Variants in ANKDD1B observed in about 807,000 individuals in gnomAD.
ANKDD1B encodes the protein ankyrin repeat and death domain-containing protein 1B.
ANKDD1B carries 57 observed loss-of-function variants against 59.7 expected under a neutral mutation model. The ratio of observed to expected loss-of-function variants is 0.95; its 90% CI spans 0.77 to 1.19. ANKDD1B has a LOEUF of 1.19. Ranked by LOEUF, ANKDD1B falls within the 50% of genes most tolerant of loss-of-function variation. The pLI, the probability that ANKDD1B is intolerant of heterozygous loss-of-function variation, is 0.00. For synonymous variants in ANKDD1B, 216 were observed against 239.5 expected (o/e 0.90, Z 0.91); for missense variants, 602 against 641.9 (o/e 0.94, Z 0.67).
At chr5:75,637,278 GAAA>G (rs1774344012) in intron 7 of ANKDD1B, among the ~76,000 whole-genome samples, 30 of 108,286 alleles carry the variant, frequency 2.8e-4, no homozygotes, top group Non-Finnish European at 3.5e-4. Flanking sequence ...AAAAAAGAAA[GAAA>G]AAAGAAACTG....
At chr5:75,639,744 A>T (rs995434907) in intron 7 of ANKDD1B, among the ~76,000 whole-genome samples, 1 of 152,224 alleles carries the variant, frequency 6.6e-6, no homozygotes. Context: ...CATTTCTTCC[A>T]AATATTTTTA....
chr5:75,625,661 A>T lies in ANKDD1B; in HGVS notation c.411A>T (p.Val137=). The change falls in exon 4 of 14, where the codon GTA becomes GTT. Residue 137 remains valine, a synonymous_variant. Transcript: ENST00000601380. ...TCTTGGGGAAGCACGGCTTGACAGT[A>T]ATTCACCTTGCAGCCTGGTCTGGGA... The part of the protein sequence containing the change: ...VDVADKHGLT[V]IHLAAWSGSL... 1 of 1,536,366 alleles carries T rather than the reference A, an allele frequency of 6.5e-7. No individual in the cohort carries two copies. Among genetic ancestry groups the T allele is most frequent in the Non-Finnish European group, 8.7e-7 (1 of 1,146,938 alleles).
intron 13 of ANKDD1B, among the ~76,000 whole-genome samples, chr5:75,669,942 G>T (rs924791368): frequency 2.1e-4 from 32 of 152,210 alleles, no homozygotes; most frequent in Non-Finnish European, 2.5e-4. Flanking sequence ...AGGCGGTGTT[G>T]TAGCTCTCAT....
chr5:75,653,277 C>A (rs1241734072), intron 8 of ANKDD1B, 37 bp downstream of exon 8: 1 of 1,464,236 alleles, frequency 6.8e-7, no homozygotes, highest in Non-Finnish European at 9.2e-7. Context: ...TTGGTCCTGG[C>A]GCCGTGAGGT....
intron 7 of ANKDD1B, among the ~76,000 whole-genome samples, chr5:75,649,538 C>T (rs1308534665): frequency 1.3e-5 from 2 of 152,130 alleles, no homozygotes; most frequent in African/African-American, 4.8e-5. Flanking sequence ...GCCCTACACA[C>T]GGAGCCCATG....
chr5:75,613,390 A>G lies in ANKDD1B; in HGVS notation c.193+1563A>G, dbSNP rs529883797. ...AGAAGAGATAATTTCCAGGAGATTGACATATGAAACACTTGAAAAGATAAA... is the reference window on the plus strand; with the variant it reads ...AGAAGAGATAATTTCCAGGAGATTGGCATATGAAACACTTGAAAAGATAAA... On this transcript the variant is annotated intron_variant, in intron 1 of 13. Coordinates refer to ENST00000601380, the MANE Select transcript of ANKDD1B (RefSeq NM_001276713.2). Among the ~76,000 whole-genome samples the G allele has an allele frequency of 1.0e-3, 155 of 152,324 alleles. 1 individual carries two copies. Among genetic ancestry groups the G allele is most frequent in the Admixed American group, 2.2e-3 (33 of 15,304 alleles).
chr5:75,650,020 G>C (rs1179150514), intron 7 of ANKDD1B, among the ~76,000 whole-genome samples: 2 of 152,142 alleles, frequency 1.3e-5, no homozygotes, highest in Non-Finnish European at 2.9e-5. Flanking sequence ...AATAGTTACG[G>C]TTACCATACA....
At chr5:75,642,660 AG>A (rs1174521075) in intron 7 of ANKDD1B, among the ~76,000 whole-genome samples, 2 of 116,954 alleles carry the variant, frequency 1.7e-5, no homozygotes. Flanking sequence ...GGCGGCAGCG[AG>A]GCTGGGGGAG....
intron 11 of ANKDD1B, among the ~76,000 whole-genome samples, chr5:75,664,846 C>T (rs1156253884): frequency 6.6e-6 from 1 of 152,152 alleles, no homozygotes; most frequent in Non-Finnish European, 1.5e-5. Flanking sequence ...GTTGTTAACT[C>T]CGGTGACAAT....
At chr5:75,670,768 C>T (rs147952459) in intron 13 of ANKDD1B, among the ~76,000 whole-genome samples, 1 of 152,314 alleles carries the variant, frequency 6.6e-6, no homozygotes, top group East Asian at 1.9e-4. Flanking sequence ...TGTGAGCTCA[C>T]TCTTGAACTC....
chr5:75,624,605 A>T (rs1375206434), intron 3 of ANKDD1B, among the ~76,000 whole-genome samples: 3 of 152,244 alleles, frequency 2.0e-5, no homozygotes, highest in Non-Finnish European at 4.4e-5. Flanking sequence ...TATTTTAAGT[A>T]GCATCTATAT....
intron 8 of ANKDD1B, 21 bp downstream of exon 8, chr5:75,653,261 C>A (rs530249329): frequency 6.6e-7 from 1 of 1,510,036 alleles, no homozygotes; most frequent in Non-Finnish European, 8.9e-7. Flanking sequence ...TCCAATGACA[C>A]GGGCTTTGGT....
chr5:75,656,784 C>T (rs961632688), intron 9 of ANKDD1B, among the ~76,000 whole-genome samples: 1 of 152,154 alleles, frequency 6.6e-6, no homozygotes, highest in East Asian at 1.9e-4. Context: ...TCCAGGGTCC[C>T]GAGGCCAGAT....
At chr5:75,656,557 G>T (rs961605862) in intron 9 of ANKDD1B, among the ~76,000 whole-genome samples, 3 of 152,174 alleles carry the variant, frequency 2.0e-5, no homozygotes, top group East Asian at 1.9e-4. Context: ...GGCAAAAGAG[G>T]CCTCTTGGAA....
rs1442496334 is a variant in ANKDD1B at position 75,611,577 on chromosome 5, TC to T, written c.-57del. 9.3e-7 allele frequency: 1 copy of T among 1,078,896 alleles called. No individual in the cohort carries two copies. Among genetic ancestry groups the T allele is most frequent in the Non-Finnish European group, 1.2e-6 (1 of 867,510 alleles). The allele number at this position is 1,078,896 out of a possible 1,614,324, so 66.8% of individuals were successfully genotyped here. ...GTCTGGATCTGTGTCCGAGTCTGGG[TC>T]TGGATCTGGGTCCGAGTCTGGGTCT... On this transcript the variant is annotated 5_prime_UTR_variant, in exon 1 of 14. Coordinates refer to ENST00000601380, the MANE Select transcript of ANKDD1B (RefSeq NM_001276713.2).
intron 12 of ANKDD1B, 49 bp downstream of exon 12, chr5:75,667,042 C>A: frequency 8.2e-7 from 1 of 1,222,280 alleles, no homozygotes; most frequent in Non-Finnish European, 1.1e-6. Flanking sequence ...CTGTTAGGAA[C>A]AGCAGTGCCT....
At chr5:75,618,109 AG>A in intron 2 of ANKDD1B, among the ~76,000 whole-genome samples, 1 of 152,276 alleles carries the variant, frequency 6.6e-6, no homozygotes, top group Middle Eastern at 3.4e-3. Context: ...AGGGACAAAA[AG>A]AAAAAAAAAG....
chr5:75,629,830 C>T (rs964552643), intron 5 of ANKDD1B, among the ~76,000 whole-genome samples: 8 of 151,738 alleles, frequency 5.3e-5, no homozygotes, highest in Non-Finnish European at 1.0e-4. Flanking sequence ...CCCAGCTACT[C>T]GGGAGGCTGA....
intron 5 of ANKDD1B, among the ~76,000 whole-genome samples, chr5:75,628,915 A>G (rs1306032701): frequency 6.6e-6 from 1 of 152,196 alleles, no homozygotes; most frequent in Non-Finnish European, 1.5e-5. Context: ...TCAGACTAAC[A>G]TGTTTGGGGA....
Sources: gnomAD v4.1 joint callset for allele counts (sites outside exome capture counted in the v4.1 genomes callset) on GRCh38, gnomAD v4.1.1 for gene constraint, MANE v1.5 for transcripts, NCBI Gene and HGNC (gene_info 2026-07-23, HGNC 2026-07-21) for gene names.